Variants in DNAH11 observed in about 807,000 individuals in gnomAD.
DNAH11 encodes the protein axonemal beta dynein heavy chain 11.
In DNAH11, 442 loss-of-function variants were observed where a neutral mutation model predicts 526.0. The ratio of observed to expected loss-of-function variants is 0.84; its 90% CI spans 0.78 to 0.91. The LOEUF is 0.91. Among genes scored for constraint, DNAH11 ranks in the 40% least tolerant of loss-of-function variants. DNAH11 has a pLI of 0.00. For synonymous variants in DNAH11, 2,461 were observed against 1,935.9 expected (o/e 1.27, Z -7.12); for missense variants, 6,989 against 5,448.7 (o/e 1.28, Z -8.90).
At chr7:21,862,920 C>T (rs1783119801) in intron 69 of DNAH11, among the ~76,000 whole-genome samples, 1 of 151,906 alleles carries the variant, frequency 6.6e-6, no homozygotes, top group South Asian at 2.1e-4. Context: ...AAAAATTAGC[C>T]AGGCGTGGTG....
chr7:21,639,749 C>T (rs756365583), intron 28 of DNAH11, among the ~76,000 whole-genome samples: 9 of 152,176 alleles, frequency 5.9e-5, no homozygotes, highest in Admixed American at 2.0e-4. Context: ...TCAATCATTC[C>T]TATTCACTTA....
Position 21,742,004 on chromosome 7 carries a change from C to T in DNAH11, c.7992C>T (p.Phe2664=), listed in dbSNP as rs889494883. The part of the protein sequence containing the change: ...LNTIYGQIFS[F]HFQQQAFAPS... Reference sequence around the variant, plus strand: ...CCATCTATGGCCAAATCTTTAGCTTCCATTTCCAACAGCAAGCATTTGCTC... The same window carrying T: ...CCATCTATGGCCAAATCTTTAGCTTTCATTTCCAACAGCAAGCATTTGCTC... Residue 2664 remains phenylalanine (F), a synonymous_variant, in exon 49 of 82, where the codon TTC becomes TTT. Transcript: ENST00000409508. 6.2e-7 allele frequency: 1 copy of T among 1,613,982 alleles called. No homozygotes were observed. Among genetic ancestry groups the T allele is most frequent in the East Asian group, 2.2e-5 (1 of 44,886 alleles).
At chr7:21,714,827 A>G (rs963135680) in intron 42 of DNAH11, among the ~76,000 whole-genome samples, 1 of 152,160 alleles carries the variant, frequency 6.6e-6, no homozygotes, top group Non-Finnish European at 1.5e-5. Context: ...AATATATGAA[A>G]GTAAGTTGGA....
intron 62 of DNAH11, among the ~76,000 whole-genome samples, chr7:21,802,716 A>T (rs1210608606): frequency 2.6e-5 from 4 of 152,086 alleles, no homozygotes; most frequent in Non-Finnish European, 2.9e-5. Flanking sequence ...ACAAAAGGCC[A>T]CATATCACAT....
chr7:21,731,414 G>T (rs951226054), intron 45 of DNAH11, among the ~76,000 whole-genome samples: 3 of 151,988 alleles, frequency 2.0e-5, no homozygotes, highest in African/African-American at 7.2e-5. Flanking sequence ...AAGGAAAATT[G>T]AAAAACTAAG....
chr7:21,654,015 C>A (rs957867896), intron 28 of DNAH11, among the ~76,000 whole-genome samples: 1 of 152,136 alleles, frequency 6.6e-6, no homozygotes, highest in Non-Finnish European at 1.5e-5. Context: ...AGCAGTGGCG[C>A]CTGTATGCTT....
rs1472858482 is a variant in DNAH11, at chr7:21,704,590, G to C, written c.6430G>C (p.Glu2144Gln). The change falls in exon 38 of 82, where the codon GAG becomes CAG. Residue 2144 changes from glutamate (E) to glutamine (Q), a missense_variant. Coordinates refer to ENST00000409508, the MANE Select transcript of DNAH11 (RefSeq NM_001277115.2). ...FEQMVRQSTL[E>Q]LRLQPEESFI... ...ACAGATGGTCAGGCAGTCTACCCTG[G>C]AGCTCCGCCTGCAGCCTGAAGAGAG... is the stretch of plus-strand genomic sequence containing the variant. 1.2e-6 allele frequency: 2 copies of C among 1,611,052 alleles called. No individual in the cohort carries two copies. The highest frequency in any genetic ancestry group is 2.2e-5 in the East Asian group (1 of 44,856).
chr7:21,710,553 G>T lies in DNAH11; in HGVS notation c.6684G>T (p.Lys2228Asn). ...HHATREWKDGKIVYSYFIGLF... is the reference protein window; with the variant it reads ...HHATREWKDGNIVYSYFIGLF... ...AGCACTCAACTACATTATATATTAG[G>T]ATTGTTTACTCTTATTTTATAGGTC... The change falls in exon 41 of 82, where the codon AAG (lysine) becomes AAT (asparagine). Residue 2228 changes from lysine (K) to asparagine (N), a missense_variant and splice_region_variant. Physicochemically the swap from Lys to Asn is moderately conservative, Grantham distance 94. Transcript: ENST00000409508. 5 of 1,603,982 alleles carry T rather than the reference G, an allele frequency of 3.1e-6. No individual in the cohort carries two copies. Among genetic ancestry groups the T allele is most frequent in the Non-Finnish European group, 4.3e-6 (5 of 1,173,188 alleles).
Position 21,543,343 on chromosome 7 carries a change from TGG to T in DNAH11, c.99_100del (p.Glu34AlafsTer71). Reference sequence around the variant, plus strand: ...GCCGGCCTGGAGGCAGTGGGCGCTGTGGAGCTCGAGGAGGAGGAGGAGAACGA... The same window carrying T: ...GCCGGCCTGGAGGCAGTGGGCGCTGTAGCTCGAGGAGGAGGAGGAGAACGA... On this transcript the variant is annotated frameshift_variant, in exon 1 of 82. Transcript: ENST00000409508. LOFTEE classifies it high-confidence loss of function. 6.4e-7 allele frequency: 1 copy of T among 1,551,016 alleles called. No individual in the cohort carries two copies. Among genetic ancestry groups the T allele is most frequent in the Middle Eastern group, 1.7e-4 (1 of 5,866 alleles).
chr7:21,792,148 G>GT (rs976921062), intron 61 of DNAH11, among the ~76,000 whole-genome samples: 4 of 152,110 alleles, frequency 2.6e-5, no homozygotes, highest in South Asian at 2.1e-4. Flanking sequence ...TTTGTTGAGT[G>GT]TTTTTTTAGC....
chr7:21,589,712 G>A (rs959131055), intron 12 of DNAH11, among the ~76,000 whole-genome samples: 1 of 152,026 alleles, frequency 6.6e-6, no homozygotes, highest in Non-Finnish European at 1.5e-5. Flanking sequence ...CTGGTACTTG[G>A]TGACAGTTAG....
At chr7:21,755,244 A>G (rs1786577830) in intron 54 of DNAH11, among the ~76,000 whole-genome samples, 1 of 152,212 alleles carries the variant, frequency 6.6e-6, no homozygotes, top group African/African-American at 2.4e-5. Flanking sequence ...GGATTGCCTC[A>G]AATAAGGCAA....
intron 54 of DNAH11, among the ~76,000 whole-genome samples, chr7:21,763,738 G>C (rs1787035429): frequency 2.0e-5 from 3 of 149,546 alleles, no homozygotes; most frequent in African/African-American, 7.4e-5. Context: ...CGATAGCTGA[G>C]ATATGCAAGC....
chr7:21,543,729 C>T (rs1782689892), intron 1 of DNAH11, 133 bp downstream of exon 1: 8 of 939,348 alleles, frequency 8.5e-6, no homozygotes, highest in African/African-American at 3.3e-5. Context: ...AAGTCCCCAT[C>T]CTGAGGCCCG....
intron 66 of DNAH11, chr7:21,851,700 A>G: frequency 2.1e-6 from 1 of 470,314 alleles, no homozygotes; most frequent in East Asian, 6.9e-5. Context: ...GTTTTAATTC[A>G]AGCTCTACTT....
At chr7:21,688,888 C>T (rs1783497464) in intron 34 of DNAH11, among the ~76,000 whole-genome samples, 1 of 152,190 alleles carries the variant, frequency 6.6e-6, no homozygotes, top group African/African-American at 2.4e-5. Flanking sequence ...TTTTTATCAA[C>T]AGGGCAATCT....
intron 68 of DNAH11, among the ~76,000 whole-genome samples, chr7:21,860,680 T>G (rs6976700): frequency 0.21 from 31,630 of 152,186 alleles, 3,744 homozygotes; most frequent in Non-Finnish European, 0.26. Context: ...CTAATTCAAA[T>G]GAGCCAGTCA....
chr7:21,575,942 T>C (rs1032942663), intron 8 of DNAH11, among the ~76,000 whole-genome samples: 1 of 152,248 alleles, frequency 6.6e-6, no homozygotes, highest in African/African-American at 2.4e-5. Flanking sequence ...TTATTTATTT[T>C]AAAATGTCAT....
chr7:21,746,878 A>G lies in DNAH11; in HGVS notation c.8511-1702A>G, dbSNP rs138861585. 2.4e-3 allele frequency among the ~76,000 whole-genome samples: 372 copies of G among 152,280 alleles called. 2 individuals are homozygous for G. The highest frequency in any genetic ancestry group is 3.1e-3 in the Non-Finnish European group (213 of 68,022). ...ATGCTGTCTCGGGTTGGGTTAATAT[A>G]CAGTCATTGTGTATGGGCGTCCTGG... is the stretch of plus-strand genomic sequence containing the variant. On this transcript the variant is annotated intron_variant, in intron 51 of 81. Transcript: ENST00000409508.
Sources: gnomAD v4.1 joint callset for allele counts (sites outside exome capture counted in the v4.1 genomes callset) on GRCh38, gnomAD v4.1.1 for gene constraint, MANE v1.5 for transcripts, NCBI Gene and HGNC (gene_info 2026-07-23, HGNC 2026-07-21) for gene names.